MAGI2: variants seen among roughly 807,000 people sequenced by gnomAD.
MAGI2 encodes the protein membrane-associated guanylate kinase, WW and PDZ domain-containing protein 2.
Under a neutral mutation model 133.3 loss-of-function variants are expected in MAGI2, and 35 were observed. That is an observed-to-expected ratio of 0.26 (90% CI 0.20 to 0.35). The LOEUF is 0.35. Among genes scored for constraint, MAGI2 ranks in the 10% least tolerant of loss-of-function variants. The pLI, the probability that MAGI2 is intolerant of heterozygous loss-of-function variation, is 1.00. For synonymous variants in MAGI2, 729 were observed against 710.6 expected (o/e 1.03, Z -0.41); for missense variants, 1,636 against 1,863.4 (o/e 0.88, Z 2.25).
intron 21 of MAGI2, among the ~76,000 whole-genome samples, chr7:78,040,250 A>G (rs1374616194): frequency 6.6e-6 from 1 of 152,178 alleles, no homozygotes. Flanking sequence ...CAGGAGGGTA[A>G]GCGACTTCCT....
intron 21 of MAGI2, among the ~76,000 whole-genome samples, chr7:78,073,411 G>C (rs950712267): frequency 7.1e-6 from 1 of 141,744 alleles, no homozygotes; most frequent in Non-Finnish European, 1.6e-5. Flanking sequence ...GGCCTCCTAA[G>C]ACCACCGAGA....
intron 6 of MAGI2, among the ~76,000 whole-genome samples, chr7:78,431,316 A>G (rs1394192005): frequency 6.6e-6 from 1 of 152,020 alleles, no homozygotes; most frequent in African/African-American, 2.4e-5. Context: ...CAGTTTGTCC[A>G]TTTTCTTTTG....
intron 20 of MAGI2, among the ~76,000 whole-genome samples, chr7:78,089,061 G>T (rs1816924459): frequency 6.6e-6 from 1 of 152,160 alleles, no homozygotes; most frequent in Admixed American, 6.5e-5. Context: ...AAACGAAATG[G>T]GTTCCTACCC....
At chr7:78,056,952 A>C (rs1418387357) in intron 21 of MAGI2, among the ~76,000 whole-genome samples, 3 of 151,952 alleles carry the variant, frequency 2.0e-5, no homozygotes, top group African/African-American at 7.3e-5. Context: ...TGGTTATTAT[A>C]AATATTGTGA....
chr7:78,560,291 C>T (rs2150735670), intron 3 of MAGI2, among the ~76,000 whole-genome samples: 1 of 152,266 alleles, frequency 6.6e-6, no homozygotes, highest in East Asian at 1.9e-4. Context: ...AATATTCATG[C>T]ACAGATGTCC....
At chr7:79,335,610 T>A (rs941772607) in intron 1 of MAGI2, among the ~76,000 whole-genome samples, 3 of 151,870 alleles carry the variant, frequency 2.0e-5, no homozygotes, top group African/African-American at 7.2e-5. Flanking sequence ...TAAAGGAGAA[T>A]CCATAATATG....
chr7:78,630,311 C>T (rs1177664178), intron 2 of MAGI2, among the ~76,000 whole-genome samples: 3 of 151,804 alleles, frequency 2.0e-5, no homozygotes, highest in Non-Finnish European at 4.4e-5. Context: ...ATTCTTCTAA[C>T]GGAACAATCT....
chr7:78,472,145 A>G (rs991982546), intron 6 of MAGI2, among the ~76,000 whole-genome samples: 2 of 152,110 alleles, frequency 1.3e-5, no homozygotes, highest in Non-Finnish European at 2.9e-5. Context: ...GCAGATGATC[A>G]TCTCTTATCC....
chr7:78,200,592 T>C (rs1829154121), intron 11 of MAGI2, among the ~76,000 whole-genome samples: 1 of 152,134 alleles, frequency 6.6e-6, no homozygotes, highest in Non-Finnish European at 1.5e-5. Flanking sequence ...TATATGTATA[T>C]ACATATATAT....
intron 2 of MAGI2, among the ~76,000 whole-genome samples, chr7:78,665,095 T>C (rs960236260): frequency 6.6e-6 from 1 of 152,116 alleles, no homozygotes; most frequent in Non-Finnish European, 1.5e-5. Flanking sequence ...ATTTAAAAAT[T>C]TTCAGCTCTT....
chr7:79,251,517 T>C (rs1442527323), intron 1 of MAGI2, among the ~76,000 whole-genome samples: 1 of 152,016 alleles, frequency 6.6e-6, no homozygotes, highest in Non-Finnish European at 1.5e-5. Flanking sequence ...ATAAGAGAAA[T>C]GCAAATCAAA....
chr7:78,704,565 G>C (rs1033424682), intron 2 of MAGI2, among the ~76,000 whole-genome samples: 2 of 151,982 alleles, frequency 1.3e-5, no homozygotes, highest in African/African-American at 4.8e-5. Context: ...CCCGTTATTG[G>C]GTAAATACAC....
chr7:78,927,521 G>A (rs1244717157), intron 2 of MAGI2, among the ~76,000 whole-genome samples: 2 of 151,768 alleles, frequency 1.3e-5, no homozygotes, highest in Non-Finnish European at 2.9e-5. Context: ...CCAGTATCAA[G>A]GAAAGGGTAG....
intron 2 of MAGI2, among the ~76,000 whole-genome samples, chr7:78,832,592 G>A (rs1030445757): frequency 5.3e-5 from 8 of 152,078 alleles, no homozygotes; most frequent in South Asian, 2.1e-4. Context: ...TATAAGCTTC[G>A]GCTTCTGTTG....
At chr7:78,874,873 C>T (rs879404824) in intron 2 of MAGI2, among the ~76,000 whole-genome samples, 1 of 152,162 alleles carries the variant, frequency 6.6e-6, no homozygotes, top group Non-Finnish European at 1.5e-5. Flanking sequence ...CAAAACCTCA[C>T]ATTCTACCCC....
intron 3 of MAGI2, among the ~76,000 whole-genome samples, chr7:78,593,189 G>T (rs899833804): frequency 6.6e-6 from 1 of 151,122 alleles, no homozygotes; most frequent in Admixed American, 6.6e-5. Flanking sequence ...TCAGGAGATC[G>T]AGACCATCCT....
chr7:79,452,165 G>C (rs1340508851), intron 1 of MAGI2, among the ~76,000 whole-genome samples: 1 of 152,012 alleles, frequency 6.6e-6, no homozygotes, highest in African/African-American at 2.4e-5. Flanking sequence ...CCCAACCACA[G>C]AGGACTTCCA....
chr7:78,056,376 T>C (rs1189147123), intron 21 of MAGI2, among the ~76,000 whole-genome samples: 1 of 152,228 alleles, frequency 6.6e-6, no homozygotes, highest in Non-Finnish European at 1.5e-5. Context: ...TGCATATGTT[T>C]ACTGCAGCAC....
At chr7:78,998,421 C>A (rs1442825353) in intron 2 of MAGI2, among the ~76,000 whole-genome samples, 3 of 152,136 alleles carry the variant, frequency 2.0e-5, no homozygotes, top group Non-Finnish European at 4.4e-5. Flanking sequence ...TCCCCCCTCC[C>A]TCCCCTGAGT....
Sources: allele counts gnomAD v4.1 joint callset (sites outside exome capture counted in the v4.1 genomes callset), GRCh38; gene constraint gnomAD v4.1.1; transcripts MANE v1.5; gene names NCBI Gene and HGNC (gene_info 2026-07-23, HGNC 2026-07-21).